Variants in RBFOX1 observed in about 807,000 individuals in gnomAD.
RBFOX1 encodes the protein RNA binding protein fox-1 homolog 1.
RBFOX1 carries 8 observed loss-of-function variants against 57.7 expected under a neutral mutation model. The observed-to-expected ratio is 0.14, with a 90% CI of 0.08 to 0.25. The LOEUF (loss-of-function observed/expected upper bound fraction) is 0.25, where lower values mean the gene tolerates loss of function less well. Ranked by LOEUF, RBFOX1 falls within the 10% of genes least tolerant of loss-of-function variation. The pLI is 1.00. For missense variants in RBFOX1, 611 were observed against 548.5 expected, an observed-to-expected ratio of 1.11 and a Z score of -1.14; for synonymous variants, 326 against 222.4, an observed-to-expected ratio of 1.47 and a Z score of -4.15.
intron 1 of RBFOX1, among the ~76,000 whole-genome samples, chr16:6,192,192 G>C (rs968464736): frequency 6.6e-6 from 1 of 151,894 alleles, no homozygotes; most frequent in Non-Finnish European, 1.5e-5. Flanking sequence ...ATTTAACGCA[G>C]CGAGATCTCC....
At chr16:5,393,699 G>A (rs2066474638) in intron 1 of RBFOX1, among the ~76,000 whole-genome samples, 1 of 152,062 alleles carries the variant, frequency 6.6e-6, no homozygotes, top group South Asian at 2.1e-4. Context: ...TAAAAAAGGT[G>A]GTAAAATATA....
chr16:5,703,176 T>A (rs1030302124), intron 3 of RBFOX1, among the ~76,000 whole-genome samples: 1 of 152,180 alleles, frequency 6.6e-6, no homozygotes, highest in Non-Finnish European at 1.5e-5. Flanking sequence ...AATTGCAACT[T>A]TGCTATGAAA....
At chr16:6,445,807 T>A (rs1359694540) in intron 2 of RBFOX1, among the ~76,000 whole-genome samples, 1 of 152,244 alleles carries the variant, frequency 6.6e-6, no homozygotes, top group Middle Eastern at 3.4e-3. Flanking sequence ...GGTCTCGATT[T>A]CCTGACCTCG....
chr16:6,421,442 G>A (rs1397323307), intron 2 of RBFOX1, among the ~76,000 whole-genome samples: 3 of 152,202 alleles, frequency 2.0e-5, no homozygotes, highest in Admixed American at 6.5e-5. Context: ...CCTTTAAGGA[G>A]GTTATGAATT....
chr16:7,142,171 A>G (rs571561427), intron 4 of RBFOX1, among the ~76,000 whole-genome samples: 3 of 152,050 alleles, frequency 2.0e-5, no homozygotes, highest in Admixed American at 6.6e-5. Context: ...CTGCGAGCAC[A>G]CACCACCACA....
chr16:7,550,668 A>T (rs927488014), intron 5 of RBFOX1, among the ~76,000 whole-genome samples: 1 of 152,150 alleles, frequency 6.6e-6, no homozygotes, highest in East Asian at 1.9e-4. Context: ...AATAGGTACT[A>T]TGCCTCTGGA....
rs576577730 is a variant in RBFOX1 at position 5,593,323 on chromosome 16, A to C, written c.259-5579A>C. 8.6e-5 allele frequency among the ~76,000 whole-genome samples: 13 copies of C among 151,362 alleles called. No individual in the cohort carries two copies. In the South Asian group the frequency reaches 2.7e-3, roughly 32 times the overall value. ...ACATGGACACGGGGAGGGGAACATC[A>C]CATACCGGGGCCTGTCAGAGGGTGG... is the stretch of plus-strand genomic sequence containing the variant. On this transcript the variant is annotated intron_variant, in intron 2 of 2. Coordinates refer to the RBFOX1 transcript ENST00000585867.
At chr16:6,729,511 T>G (rs1255983612) in intron 3 of RBFOX1, among the ~76,000 whole-genome samples, 3 of 152,284 alleles carry the variant, frequency 2.0e-5, no homozygotes, top group Middle Eastern at 6.8e-3. Flanking sequence ...AGTTTAGACA[T>G]AGAAACAAAG....
At chr16:6,859,721 T>A (rs758696755) in intron 3 of RBFOX1, among the ~76,000 whole-genome samples, 27 of 152,172 alleles carry the variant, frequency 1.8e-4, no homozygotes, top group Non-Finnish European at 3.1e-4. Context: ...AAATGAGAAA[T>A]GTCTTTCACC....
chr16:5,462,919 T>A (rs569540110), intron 1 of RBFOX1, among the ~76,000 whole-genome samples: 3 of 152,310 alleles, frequency 2.0e-5, no homozygotes, highest in Admixed American at 6.5e-5. Flanking sequence ...TCAATGTTGC[T>A]GAAGTTAAGA....
At chr16:6,657,966 G>A (rs986161475) in intron 3 of RBFOX1, among the ~76,000 whole-genome samples, 6 of 150,924 alleles carry the variant, frequency 4.0e-5, no homozygotes, top group Non-Finnish European at 7.4e-5. Flanking sequence ...TGTCTACTTC[G>A]TTTCCAGATA....
chr16:5,696,984 C>G (rs2151473049), intron 3 of RBFOX1, among the ~76,000 whole-genome samples: 1 of 152,266 alleles, frequency 6.6e-6, no homozygotes, highest in South Asian at 2.1e-4. Context: ...ACAGTCTTGA[C>G]TCACTGCGTC....
chr16:7,259,162 A>G (rs1018087493), intron 4 of RBFOX1, among the ~76,000 whole-genome samples: 4 of 152,206 alleles, frequency 2.6e-5, no homozygotes, highest in South Asian at 2.1e-4. Context: ...TTGACACCAC[A>G]TGACCTCTCC....
At chr16:5,497,930 A>G (rs2043057091) in intron 2 of RBFOX1, among the ~76,000 whole-genome samples, 1 of 152,146 alleles carries the variant, frequency 6.6e-6, no homozygotes, top group African/African-American at 2.4e-5. Flanking sequence ...AAAGATGAGG[A>G]AGAGCTTGCC....
intron 2 of RBFOX1, among the ~76,000 whole-genome samples, chr16:6,521,906 T>C (rs553034244): frequency 3.9e-5 from 6 of 152,148 alleles, no homozygotes; most frequent in Non-Finnish European, 8.8e-5. Flanking sequence ...TTGGGTCTTG[T>C]TGAATTCGAG....
At chr16:5,686,097 G>A (rs1463769810) in intron 3 of RBFOX1, among the ~76,000 whole-genome samples, 2 of 152,268 alleles carry the variant, frequency 1.3e-5, no homozygotes, top group Non-Finnish European at 2.9e-5. Context: ...GATATTGAGT[G>A]ATGAAAAGAA....
At position 6,943,466 on chromosome 16, in the gene RBFOX1, T is replaced by A. The variant is rs28498318; in HGVS notation, c.-15-108591T>A. Among the ~76,000 whole-genome samples the A allele has an allele frequency of 9.9e-3, 1,511 of 152,230 alleles. 21 individuals carry two copies. Among genetic ancestry groups the A allele is most frequent in the African/African-American group, 0.035 (1,450 of 41,534 alleles). On this transcript the variant is annotated intron_variant, in intron 3 of 15. Transcript: ENST00000550418. ...GCTCACACCTGTAATCTCAGTACTT[T>A]GGGAGTCTGAGGCAGGCGGATCACA... is the stretch of plus-strand genomic sequence containing the variant.
In RBFOX1 at chr16:6,879,454, T is replaced by C. The variant is rs2062477368; in HGVS notation, c.-15-172603T>C. Among the ~76,000 whole-genome samples, 9 of 152,342 alleles carry C rather than the reference T, an allele frequency of 5.9e-5. No individual in the cohort carries two copies. The Middle Eastern group carries it at 0.021, about 350-fold the overall frequency. ...TTACTTTAAAAACTGTTCTTTCATC[T>C]TTGTGTGTATCATTGATTGATGACC... On this transcript the variant is annotated intron_variant, in intron 3 of 15. Coordinates refer to ENST00000550418, the MANE Select transcript of RBFOX1 (RefSeq NM_018723.4).
intron 3 of RBFOX1, among the ~76,000 whole-genome samples, chr16:6,792,998 C>A (rs151073141): frequency 1.2e-4 from 18 of 148,058 alleles, no homozygotes; most frequent in Non-Finnish European, 1.5e-5. Context: ...CACTGCACTG[C>A]AGGCTGGGCG....
Sources: gnomAD v4.1 joint callset for allele counts (sites outside exome capture counted in the v4.1 genomes callset) on GRCh38, gnomAD v4.1.1 for gene constraint, MANE v1.5 for transcripts, NCBI Gene and HGNC (gene_info 2026-07-23, HGNC 2026-07-21) for gene names.